Variants in FRYL observed in about 807,000 individuals in gnomAD.
FRYL encodes the protein protein furry homolog-like.
In FRYL, 150 loss-of-function variants were observed where a neutral mutation model predicts 351.2. That is an observed-to-expected ratio of 0.43 (90% CI 0.37 to 0.49). FRYL has a LOEUF of 0.49. Among genes scored for constraint, FRYL ranks in the 20% least tolerant of loss-of-function variants. The pLI, the probability that FRYL is intolerant of heterozygous loss-of-function variation, is 0.00. For missense variants in FRYL, 3,036 were observed against 3,619.3 expected, an observed-to-expected ratio of 0.84 and a Z score of 4.13; for synonymous variants, 1,153 against 1,257.1, an observed-to-expected ratio of 0.92 and a Z score of 1.75.
intron 2 of FRYL, among the ~76,000 whole-genome samples, chr4:48,685,457 C>A (rs1018537071): frequency 6.6e-6 from 1 of 152,068 alleles, no homozygotes; most frequent in Non-Finnish European, 1.5e-5. Flanking sequence ...AACTAATACA[C>A]CACAACTTAA....
intron 1 of FRYL, among the ~76,000 whole-genome samples, chr4:48,728,262 T>C (rs1439736321): frequency 6.6e-6 from 1 of 151,592 alleles, no homozygotes; most frequent in Non-Finnish European, 1.5e-5. Flanking sequence ...GCAGATGACA[T>C]AGCAAAAAAT....
intron 3 of FRYL, among the ~76,000 whole-genome samples, chr4:48,646,925 T>G (rs557676932): frequency 2.0e-5 from 3 of 152,074 alleles, no homozygotes; most frequent in Non-Finnish European, 4.4e-5. Context: ...TGGCAAACAG[T>G]TGAATAATGC....
Position 48,582,557 on chromosome 4 carries a change from T to C in FRYL, c.1926A>G (p.Val642=). 1 of 1,614,128 alleles carries C rather than the reference T, an allele frequency of 6.2e-7. No homozygotes were observed. ...CTTGTTTCCACTGATTTATTAATTG[T>C]ACCAACATCTTTACGGCATTATCAA... is the stretch of plus-strand genomic sequence containing the variant. ...TLLDNAVKML[V]QLINQWKQAA... The change falls in exon 20 of 64, where the codon GTA becomes GTG. Residue 642 remains valine, a synonymous_variant. Coordinates refer to ENST00000358350, the MANE Select transcript of FRYL (RefSeq NM_015030.2).
chr4:48,731,589 T>C (rs998574328), intron 1 of FRYL, among the ~76,000 whole-genome samples: 3 of 152,062 alleles, frequency 2.0e-5, no homozygotes, highest in Non-Finnish European at 4.4e-5. Flanking sequence ...AACAGAGATA[T>C]AGACCAATGG....
intron 3 of FRYL, among the ~76,000 whole-genome samples, chr4:48,683,368 T>C (rs1318848067): frequency 1.3e-5 from 2 of 150,872 alleles, no homozygotes; most frequent in Non-Finnish European, 2.9e-5. Context: ...TGTATACCTA[T>C]GTAACAAACC....
At position 48,654,778 on chromosome 4, in the gene FRYL, G is replaced by A. The variant is rs191169551; in HGVS notation, c.-80-20288C>T. Among the ~76,000 whole-genome samples the A allele has an allele frequency of 8.5e-5, 13 of 152,264 alleles. 1 individual carries two copies. Among genetic ancestry groups the A allele is most frequent in the African/African-American group, 2.9e-4 (12 of 41,546 alleles). On this transcript the variant is annotated intron_variant, in intron 3 of 63. Transcript: ENST00000358350. ...TGTAAAACTTTCTTCTATAGAAGCT[G>A]TTCTACACTGAAAGCAGACGCTGTT...
At chr4:48,597,457 AT>A (rs1744824127) in intron 13 of FRYL, among the ~76,000 whole-genome samples, 1 of 152,150 alleles carries the variant, frequency 6.6e-6, no homozygotes, top group Non-Finnish European at 1.5e-5. Flanking sequence ...TAACAAATGT[AT>A]CACTCTGAAG....
chr4:48,718,381 T>G (rs1368423543), intron 1 of FRYL, among the ~76,000 whole-genome samples: 1 of 151,518 alleles, frequency 6.6e-6, no homozygotes, highest in Non-Finnish European at 1.5e-5. Context: ...GTATAAATAT[T>G]TAAGGTATGT....
At chr4:48,560,451 T>TG (rs1255162823) in intron 33 of FRYL, among the ~76,000 whole-genome samples, 1 of 151,966 alleles carries the variant, frequency 6.6e-6, no homozygotes, top group African/African-American at 2.4e-5. Context: ...GACAAGGTGG[T>TG]GGGGGTGTGG....
chr4:48,630,743 T>G (rs973389114), intron 4 of FRYL, among the ~76,000 whole-genome samples: 3 of 152,202 alleles, frequency 2.0e-5, no homozygotes, highest in Non-Finnish European at 4.4e-5. Context: ...TTTATTATGG[T>G]TTCTAATGTA....
At chr4:48,615,860 T>C (rs1000056313) in intron 7 of FRYL, among the ~76,000 whole-genome samples, 2 of 152,076 alleles carry the variant, frequency 1.3e-5, no homozygotes, top group Admixed American at 6.5e-5. Context: ...GTGGCACATA[T>C]ACACCATGGA....
At chr4:48,521,410 G>C (rs1247808341) in intron 54 of FRYL, among the ~76,000 whole-genome samples, 195 bp from the exon 55 acceptor site, 3 of 152,172 alleles carry the variant, frequency 2.0e-5, no homozygotes, top group Non-Finnish European at 4.4e-5. Flanking sequence ...GTAGAACTAA[G>C]TACACATTAA....
At chr4:48,628,573 G>A (rs1391041416) in intron 4 of FRYL, among the ~76,000 whole-genome samples, 1 of 151,762 alleles carries the variant, frequency 6.6e-6, no homozygotes, top group African/African-American at 2.4e-5. Context: ...ACAAAATTAC[G>A]ACTAGAGTGG....
chr4:48,625,406 T>A (rs531430510), intron 4 of FRYL, among the ~76,000 whole-genome samples: 1 of 152,220 alleles, frequency 6.6e-6, no homozygotes, highest in Non-Finnish European at 1.5e-5. Context: ...TATATTCTTA[T>A]GCAGTTGGCC....
chr4:48,766,421 T>G (rs1404236990), intron 1 of FRYL, among the ~76,000 whole-genome samples: 1 of 152,130 alleles, frequency 6.6e-6, no homozygotes, highest in East Asian at 1.9e-4. Flanking sequence ...GGAGACATGC[T>G]GGTATATTTC....
chr4:48,654,685 G>A (rs978727199), intron 3 of FRYL, among the ~76,000 whole-genome samples: 8 of 152,124 alleles, frequency 5.3e-5, no homozygotes, highest in Admixed American at 1.3e-4. Flanking sequence ...TAATTCCCAC[G>A]AAAATCTTAT....
intron 55 of FRYL, among the ~76,000 whole-genome samples, chr4:48,517,845 T>G (rs1160181229): frequency 1.3e-5 from 2 of 152,218 alleles, no homozygotes; most frequent in Non-Finnish European, 2.9e-5. Flanking sequence ...ATTCCTTTAA[T>G]TCACAAAACA....
intron 1 of FRYL, among the ~76,000 whole-genome samples, chr4:48,772,157 A>T (rs572408210): frequency 2.0e-5 from 3 of 152,252 alleles, no homozygotes; most frequent in Non-Finnish European, 4.4e-5. Context: ...CCATCTTTTA[A>T]GGTGGAAGGA....
chr4:48,592,082 T>TATATATATATATATATATA lies in FRYL; in HGVS notation c.1336-1253_1336-1252insTATATATATATATATATAT, dbSNP rs888017807. On this transcript the variant is annotated intron_variant, in intron 16 of 63. Transcript: ENST00000358350. ...GGAATACGGGAAGAAAATAAAGCTC[T>TATATATATATATATATATA]TATATATATATATATATATATATAT... Among the ~76,000 whole-genome samples the TATATATATATATATATATA allele has an allele frequency of 1.0e-3, 119 of 116,184 alleles. 3 individuals carry two copies. Among genetic ancestry groups the TATATATATATATATATATA allele is most frequent in the East Asian group, 7.6e-3 (31 of 4,084 alleles). The allele number at this position is 116,184 out of a possible 152,430, so 76.2% of individuals were successfully genotyped here.
Sources: allele counts gnomAD v4.1 joint callset (sites outside exome capture counted in the v4.1 genomes callset), GRCh38; gene constraint gnomAD v4.1.1; transcripts MANE v1.5; gene names NCBI Gene and HGNC (gene_info 2026-07-23, HGNC 2026-07-21).